The following KIF5B variants were observed in gnomAD, a reference collection of about 807,000 sequenced individuals.
KIF5B encodes kinesin family member 5B, also known as kinesin-1 heavy chain.
In KIF5B, 49 loss-of-function variants were observed where a neutral mutation model predicts 132.8. The ratio of observed to expected loss-of-function variants is 0.37; its 90% CI spans 0.29 to 0.47. KIF5B has a LOEUF of 0.47. Among genes scored for constraint, KIF5B ranks in the 20% least tolerant of loss-of-function variants. The pLI, the probability that KIF5B is intolerant of heterozygous loss-of-function variation, is 1.00. For missense variants in KIF5B, 780 were observed against 1,144.0 expected (o/e 0.68, Z 4.59); for synonymous variants, 355 against 369.4 (o/e 0.96, Z 0.45).
At chr10:32,027,832 G>A (rs1031561520) in intron 15 of KIF5B, among the ~76,000 whole-genome samples, 2 of 152,072 alleles carry the variant, frequency 1.3e-5, no homozygotes, top group Non-Finnish European at 2.9e-5. Context: ...CGAACTCCTG[G>A]GCTCAAGTGA....
At chr10:32,015,039 T>C (rs1339564269) in intron 25 of KIF5B, among the ~76,000 whole-genome samples, 1 of 151,924 alleles carries the variant, frequency 6.6e-6, no homozygotes, top group Non-Finnish European at 1.5e-5. Flanking sequence ...GGGGTATCGC[T>C]TGAACCCAGG....
chr10:32,019,779 T>G, intron 20 of KIF5B, 79 bp downstream of exon 20: 1 of 915,836 alleles, frequency 1.1e-6, no homozygotes, highest in South Asian at 1.6e-5. Flanking sequence ...ATGTATCCAC[T>G]GGCTATATCC....
rs779573959 is a variant in KIF5B at position 32,019,913 on chromosome 10, G to A, written c.2251C>T (p.His751Tyr). Residue 751 changes from histidine to tyrosine, a missense_variant, in exon 20 of 26, where the codon CAT (histidine) becomes TAT (tyrosine). This residue lies in a region of KIF5B where 471 missense variants were observed against 569.9 expected (regional missense o/e 0.83). Coordinates refer to ENST00000302418, the MANE Select transcript of KIF5B (RefSeq NM_004521.3). The stretch of plus-strand genomic sequence containing the variant: ...TGATCTGTGGCTTTCAACTTCTCAT[G>A]TTCTACTCTTAGACGTTCCTGCTCT... ...MLEQERLRVE[H>Y]EKLKATDQEK... 1.2e-6 allele frequency: 2 copies of A among 1,612,454 alleles called. No homozygotes were observed. Among genetic ancestry groups the A allele is most frequent in the Non-Finnish European group, 1.7e-6 (2 of 1,179,476 alleles).
intron 2 of KIF5B, among the ~76,000 whole-genome samples, chr10:32,044,986 G>A (rs1298280993): frequency 1.3e-5 from 2 of 152,190 alleles, no homozygotes; most frequent in Non-Finnish European, 2.9e-5. Flanking sequence ...AGAAATTTCA[G>A]GAAGCAAACG....
In KIF5B at chr10:32,037,241, A is replaced by T. The variant is rs764939985; in HGVS notation, c.711+13T>A. On this transcript the variant is annotated intron_variant, in intron 8 of 25. Transcript: ENST00000302418. ...GATGCTTAAATATTTGTCAAAATAC[A>T]TGAAGACTTTACCTTTTCACTACCA... 1 of 1,606,820 alleles carries T rather than the reference A, an allele frequency of 6.2e-7. No homozygotes were observed.
At chr10:32,040,854 G>GGC (rs1297286556) in intron 2 of KIF5B, among the ~76,000 whole-genome samples, 4 of 151,932 alleles carry the variant, frequency 2.6e-5, no homozygotes, top group African/African-American at 9.7e-5. Context: ...TGGGCTTGGT[G>GGC]GCGCGTGCCT....
In KIF5B at chr10:32,036,006, A is replaced by G; in HGVS notation, c.712-12T>C. On this transcript the variant is annotated splice_polypyrimidine_tract_variant and intron_variant, in intron 8 of 25. Coordinates refer to ENST00000302418, the MANE Select transcript of KIF5B (RefSeq NM_004521.3). ...CCAGTTTTACTAACCTATACATAAG[A>G]TTTCAAAAGAATGAAACAAAATTAC... is the stretch of plus-strand genomic sequence containing the variant. 1 of 1,502,532 alleles carries G rather than the reference A, an allele frequency of 6.7e-7. No homozygotes were observed. Among genetic ancestry groups the G allele is most frequent in the Non-Finnish European group, 9.0e-7 (1 of 1,113,376 alleles). The allele number at this position is 1,502,532 out of a possible 1,614,324, so 93.1% of individuals were successfully genotyped here.
intron 15 of KIF5B, among the ~76,000 whole-genome samples, chr10:32,026,830 A>C (rs1282335107): frequency 6.6e-6 from 1 of 152,192 alleles, no homozygotes; most frequent in Non-Finnish European, 1.5e-5. Flanking sequence ...AGATTTCTCT[A>C]CATCTCACAT....
intron 3 of KIF5B, 32 bp from the exon 4 acceptor site, chr10:32,039,463 T>A: frequency 1.1e-6 from 1 of 914,764 alleles, no homozygotes; most frequent in Non-Finnish European, 1.7e-6. Context: ...ACTTCTTAAA[T>A]AAATTATAAA....
intron 2 of KIF5B, among the ~76,000 whole-genome samples, chr10:32,047,290 G>C (rs1404349914): frequency 6.6e-6 from 1 of 151,488 alleles, no homozygotes; most frequent in Non-Finnish European, 1.5e-5. Flanking sequence ...CTGCCCTTCA[G>C]CCTCCCTCAT....
At chr10:32,016,756 G>A (rs112449055) in intron 24 of KIF5B, among the ~76,000 whole-genome samples, 7,830 of 152,144 alleles carry the variant, frequency 0.051, 665 homozygotes, top group African/African-American at 0.18. Flanking sequence ...GGCTGGTCTC[G>A]AACTTCTGAC....
chr10:32,018,277 C>G lies in KIF5B; in HGVS notation c.2439+39G>C, dbSNP rs759036495. On this transcript the variant is annotated intron_variant, in intron 22 of 25. Coordinates refer to ENST00000302418, the MANE Select transcript of KIF5B (RefSeq NM_004521.3). Reference sequence around the variant, plus strand: ...ACAAATAATTACCTAGAAGTAAGCACCATTTATGCAAACGCCTACCTCGGC... The same window carrying G: ...ACAAATAATTACCTAGAAGTAAGCAGCATTTATGCAAACGCCTACCTCGGC... 3 of 1,469,618 alleles carry G rather than the reference C, an allele frequency of 2.0e-6. No homozygotes were observed. The South Asian group carries it at 4.3e-5, about 21-fold the overall frequency. 91.0% of individuals were successfully genotyped at this position (1,469,618 alleles called of 1,614,324 possible).
intron 15 of KIF5B, among the ~76,000 whole-genome samples, chr10:32,026,423 G>C (rs928538196): frequency 2.9e-5 from 3 of 101,828 alleles, no homozygotes; most frequent in Non-Finnish European, 5.3e-5. Context: ...GGGAGACACA[G>C]TGAGATTCCG....
chr10:32,044,489 T>C (rs879716031), intron 2 of KIF5B, among the ~76,000 whole-genome samples: 1 of 152,106 alleles, frequency 6.6e-6, no homozygotes, highest in Non-Finnish European at 1.5e-5. Context: ...CTGACCAACA[T>C]GGAGGAACCC....
intron 9 of KIF5B, 70 bp downstream of exon 9, chr10:32,035,820 C>A: frequency 7.5e-7 from 1 of 1,331,334 alleles, no homozygotes; most frequent in Admixed American, 2.0e-5. Context: ...CACACCCAGG[C>A]ACACATATAC....
chr10:32,038,705 A>G (rs1221094590), intron 5 of KIF5B, 73 bp downstream of exon 5: 4 of 889,644 alleles, frequency 4.5e-6, no homozygotes, highest in Non-Finnish European at 7.0e-6. Context: ...TTACAAAGAA[A>G]TAGTCTCACA....
intron 25 of KIF5B, among the ~76,000 whole-genome samples, chr10:32,011,894 T>G (rs1289648640): frequency 6.6e-6 from 1 of 151,482 alleles, no homozygotes; most frequent in East Asian, 1.9e-4. Context: ...CAAGGAACAC[T>G]AACCAGCAAC....
chr10:32,046,367 C>A (rs1841611079), intron 2 of KIF5B, among the ~76,000 whole-genome samples: 1 of 152,062 alleles, frequency 6.6e-6, no homozygotes, highest in Non-Finnish European at 1.5e-5. Flanking sequence ...AACATGATGA[C>A]CCTGTTCCTC....
In KIF5B at chr10:32,010,084, A is replaced by G. The variant is rs1841054675; in HGVS notation, c.*1453T>C. On this transcript the variant is annotated 3_prime_UTR_variant, in exon 26 of 26. Coordinates refer to ENST00000302418, the MANE Select transcript of KIF5B (RefSeq NM_004521.3). ...AAATTTAATACAAATATCTGTGTAT[A>G]AAACTTTTGCAAAAAGTTAATTCTG... 6.6e-6 allele frequency: 1 copy of G among 152,216 alleles called. No individual in the cohort carries two copies. 9.4% of individuals were successfully genotyped at this position (152,216 alleles called of 1,614,324 possible).
Sources: gnomAD v4.1 joint callset for allele counts (sites outside exome capture counted in the v4.1 genomes callset) on GRCh38, gnomAD v4.1.1 for gene constraint, gnomAD v4.1.1 regional missense constraint, MANE v1.5 for transcripts, NCBI Gene and HGNC (gene_info 2026-07-23, HGNC 2026-07-21) for gene names.